KIRREL3: variants seen among roughly 807,000 people sequenced by gnomAD.
KIRREL3 encodes the protein kirre like nephrin family adhesion molecule 3, also known as kin of IRRE-like protein 3.
KIRREL3 carries 36 observed loss-of-function variants against 89.7 expected under a neutral mutation model. That is an observed-to-expected ratio of 0.40 (90% CI 0.31 to 0.53). The LOEUF is 0.53. Ranked by LOEUF, KIRREL3 falls within the 20% of genes least tolerant of loss-of-function variation. KIRREL3 has a pLI of 0.49. For synonymous variants in KIRREL3, 445 were observed against 441.4 expected, an observed-to-expected ratio of 1.01 and a Z score of -0.10; for missense variants, 864 against 1,056.6, an observed-to-expected ratio of 0.82 and a Z score of 2.53.
rs966607238 is a variant in KIRREL3, at chr11:126,940,267, T to A, written c.55+60188A>T. 6.6e-6 allele frequency among the ~76,000 whole-genome samples: 1 copy of A among 152,252 alleles called. No individual in the cohort carries two copies. Among genetic ancestry groups the A allele is most frequent in the Non-Finnish European group, 1.5e-5 (1 of 68,044 alleles). On this transcript the variant is annotated intron_variant, in intron 1 of 16. Coordinates refer to ENST00000525144, the MANE Select transcript of KIRREL3 (RefSeq NM_032531.4). This position sits in a 1 kb window ranked among gnomAD's most constrained non-coding sequence, Gnocchi z 4.6. ...ATTTAACATTGAGCCTATATCTTTTTAAATATATCCTTTTTTTCTAGATTG... is the reference window on the plus strand; with the variant it reads ...ATTTAACATTGAGCCTATATCTTTTAAAATATATCCTTTTTTTCTAGATTG...
chr11:126,721,370 A>C (rs1191272303), intron 1 of KIRREL3, among the ~76,000 whole-genome samples: 1 of 152,048 alleles, frequency 6.6e-6, no homozygotes, highest in Non-Finnish European at 1.5e-5. Context: ...GTCTCTATTA[A>C]AAATACAAAA....
At chr11:126,451,388 G>A (rs921926830) in intron 7 of KIRREL3, among the ~76,000 whole-genome samples, 1 of 119,370 alleles carries the variant, frequency 8.4e-6, no homozygotes, top group Non-Finnish European at 1.8e-5. Context: ...GTGTGCATGT[G>A]TGAACGTGTG....
At chr11:126,863,272 C>G (rs946866507) in intron 1 of KIRREL3, among the ~76,000 whole-genome samples, 1 of 150,668 alleles carries the variant, frequency 6.6e-6, no homozygotes. Context: ...CCTCCTCTTC[C>G]TGGCTGCTCA....
At position 126,788,360 on chromosome 11, in the gene KIRREL3, C is replaced by A. The variant is rs1950542541; in HGVS notation, c.55+212095G>T. ...CTACTCAGACAGGGTATGCAAGTTG[C>A]ATTTGACATTTCTGCAGGGTCTGTG... On this transcript the variant is annotated intron_variant, in intron 1 of 16. Coordinates refer to ENST00000525144, the MANE Select transcript of KIRREL3 (RefSeq NM_032531.4). The surrounding 1 kb of genome is among the most constrained non-coding windows in gnomAD (Gnocchi z 4.1). 6.6e-6 allele frequency among the ~76,000 whole-genome samples: 1 copy of A among 152,176 alleles called. No individual in the cohort carries two copies. The highest frequency in any genetic ancestry group is 1.5e-5 in the Non-Finnish European group (1 of 68,030).
rs1951493836 is a variant in KIRREL3, at chr11:126,814,469, A to G, written c.55+185986T>C. 1.3e-5 allele frequency among the ~76,000 whole-genome samples: 2 copies of G among 152,198 alleles called. No individual in the cohort carries two copies. ...TGTATTATAAAGATACATGCACTAC[A>G]TATGTTCATTGCAGCATTATTCACA... is the stretch of plus-strand genomic sequence containing the variant. On this transcript the variant is annotated intron_variant, in intron 1 of 16. Coordinates refer to ENST00000525144, the MANE Select transcript of KIRREL3 (RefSeq NM_032531.4). This position sits in a 1 kb window ranked among gnomAD's most constrained non-coding sequence, Gnocchi z 4.4.
Position 126,876,420 on chromosome 11 carries a change from C to G in KIRREL3, c.55+124035G>C, listed in dbSNP as rs1157745419. Among the ~76,000 whole-genome samples the G allele has an allele frequency of 6.6e-6, 1 of 152,094 alleles. No individual in the cohort carries two copies. The highest frequency in any genetic ancestry group is 1.9e-4 in the East Asian group (1 of 5,194). On this transcript the variant is annotated intron_variant, in intron 1 of 16. Transcript: ENST00000525144. The surrounding 1 kb of genome is among the most constrained non-coding windows in gnomAD (Gnocchi z 4.1). ...TGGATAATTTCATCCTACAGCACAC[C>G]CAGGGAGAAAGAAGCCACATAGCTG...
At chr11:126,984,694 C>T (rs144472385) in intron 1 of KIRREL3, among the ~76,000 whole-genome samples, 81 of 152,280 alleles carry the variant, frequency 5.3e-4, no homozygotes, top group African/African-American at 1.9e-3. Context: ...CACTTTTTAC[C>T]AGGAACTTTG....
intron 4 of KIRREL3, among the ~76,000 whole-genome samples, chr11:126,517,140 G>A (rs1246639241): frequency 2.0e-4 from 15 of 74,996 alleles, no homozygotes; most frequent in African/African-American, 1.2e-3. Flanking sequence ...GAGAGAAAGA[G>A]AGAGAGAGAG....
rs1389188973 is a variant in KIRREL3 at position 126,608,188 on chromosome 11, C to T, written c.56-45276G>A. 2.6e-5 allele frequency among the ~76,000 whole-genome samples: 4 copies of T among 152,094 alleles called. No individual in the cohort carries two copies. Among genetic ancestry groups the T allele is most frequent in the African/African-American group, 9.7e-5 (4 of 41,406 alleles). The stretch of plus-strand genomic sequence containing the variant: ...GAGGTGGGGGCGGGCCATGGTGGGC[C>T]AGGACAGGTGGGAGAGAAAAGCAGG... On this transcript the variant is annotated intron_variant, in intron 1 of 16. Transcript: ENST00000525144. This position sits in a 1 kb window ranked among gnomAD's most constrained non-coding sequence, Gnocchi z 4.9.
chr11:126,918,374 C>T lies in KIRREL3; in HGVS notation c.55+82081G>A, dbSNP rs1383066274. 1.3e-5 allele frequency among the ~76,000 whole-genome samples: 2 copies of T among 152,088 alleles called. No individual in the cohort carries two copies. The highest frequency in any genetic ancestry group is 1.5e-5 in the Non-Finnish European group (1 of 68,022). ...TGCATTTATTTTGGCAATTTGGTGC[C>T]GAATATTTACGACAGTGCTTTAGAC... is the stretch of plus-strand genomic sequence containing the variant. On this transcript the variant is annotated intron_variant, in intron 1 of 16. Coordinates refer to ENST00000525144, the MANE Select transcript of KIRREL3 (RefSeq NM_032531.4). This position sits in a 1 kb window ranked among gnomAD's most constrained non-coding sequence, Gnocchi z 6.5.
intron 5 of KIRREL3, among the ~76,000 whole-genome samples, chr11:126,472,571 A>G (rs565470865): frequency 2.6e-4 from 39 of 152,250 alleles, no homozygotes; most frequent in African/African-American, 9.2e-4. Flanking sequence ...GGGAGCCACA[A>G]ACATTCAGAC....
At chr11:126,887,896 C>T (rs1462311011) in intron 1 of KIRREL3, among the ~76,000 whole-genome samples, 2 of 152,178 alleles carry the variant, frequency 1.3e-5, no homozygotes, top group Non-Finnish European at 2.9e-5. Flanking sequence ...GACAGCACAG[C>T]ACAGGAGAGA....
At chr11:126,581,358 A>T (rs1039057203) in intron 1 of KIRREL3, among the ~76,000 whole-genome samples, 4 of 152,022 alleles carry the variant, frequency 2.6e-5, no homozygotes, top group Admixed American at 2.6e-4. Flanking sequence ...ACCCGCCATC[A>T]TGCCTGGCTA....
intron 1 of KIRREL3, among the ~76,000 whole-genome samples, chr11:126,711,417 T>TGGG (rs34592673): frequency 1.3e-5 from 2 of 151,992 alleles, no homozygotes; most frequent in African/African-American, 4.8e-5. Flanking sequence ...AGAAATTAGC[T>TGGG]GGGGGGTGGT....
chr11:126,838,081 A>C (rs771420504), intron 1 of KIRREL3, among the ~76,000 whole-genome samples: 3 of 152,232 alleles, frequency 2.0e-5, no homozygotes, highest in Admixed American at 6.5e-5. Flanking sequence ...TTATATTTGG[A>C]CATCATCTGT....
intron 7 of KIRREL3, among the ~76,000 whole-genome samples, chr11:126,450,506 C>CAT (rs1263162285): frequency 1.7e-5 from 2 of 118,348 alleles, no homozygotes; most frequent in Admixed American, 1.6e-4. Flanking sequence ...TGCATGTGTG[C>CAT]ATGTGTGTGT....
At position 126,541,169 on chromosome 11, in the gene KIRREL3, C is replaced by T. The variant is rs897080815; in HGVS notation, c.134-14482G>A. Among the ~76,000 whole-genome samples, 2 of 152,154 alleles carry T rather than the reference C, an allele frequency of 1.3e-5. No homozygotes were observed. Among genetic ancestry groups the T allele is most frequent in the Non-Finnish European group, 2.9e-5 (2 of 68,036 alleles). On this transcript the variant is annotated intron_variant, in intron 2 of 16. Coordinates refer to ENST00000525144, the MANE Select transcript of KIRREL3 (RefSeq NM_032531.4). The surrounding 1 kb of genome is among the most constrained non-coding windows in gnomAD (Gnocchi z 4.8). The stretch of plus-strand genomic sequence containing the variant: ...TTGGCTGACTCCAAGATGCCCAGCA[C>T]CTCTTGCTCCCATGTCTAAGGGGTA...
Position 126,860,935 on chromosome 11 carries a change from C to T in KIRREL3, c.55+139520G>A, listed in dbSNP as rs943063458. On this transcript the variant is annotated intron_variant, in intron 1 of 16. Transcript: ENST00000525144. This position sits in a 1 kb window ranked among gnomAD's most constrained non-coding sequence, Gnocchi z 4.6. ...GTACGTGCCACCTCCTATACAAAGCCTCTCCTGGTGCTACCAGAGGCAAAC... is the reference window on the plus strand; with the variant it reads ...GTACGTGCCACCTCCTATACAAAGCTTCTCCTGGTGCTACCAGAGGCAAAC... 6.6e-6 allele frequency among the ~76,000 whole-genome samples: 1 copy of T among 152,220 alleles called. No homozygotes were observed. The highest frequency in any genetic ancestry group is 2.4e-5 in the African/African-American group (1 of 41,448).
Position 126,526,309 on chromosome 11 carries a change from C to T in KIRREL3, c.283+229G>A, listed in dbSNP as rs1389492469. Among the ~76,000 whole-genome samples, 3 of 152,134 alleles carry T rather than the reference C, an allele frequency of 2.0e-5. No individual in the cohort carries two copies. The highest frequency in any genetic ancestry group is 2.9e-5 in the Non-Finnish European group (2 of 68,020). On this transcript the variant is annotated intron_variant, in intron 3 of 16. Transcript: ENST00000525144. This position sits in a 1 kb window ranked among gnomAD's most constrained non-coding sequence, Gnocchi z 5.7. Reference sequence around the variant, plus strand: ...AATGTCGAGTTAGGTTAGGACCCACCGCTAGAAGGAGGGTTTGCTTATGGT... The same window carrying T: ...AATGTCGAGTTAGGTTAGGACCCACTGCTAGAAGGAGGGTTTGCTTATGGT...
Sources: gnomAD v4.1 joint callset for allele counts (sites outside exome capture counted in the v4.1 genomes callset) on GRCh38, gnomAD v4.1.1 for gene constraint, Gnocchi (gnomAD v3.1) non-coding constraint, MANE v1.5 for transcripts, NCBI Gene and HGNC (gene_info 2026-07-23, HGNC 2026-07-21) for gene names.